The following PTCHD4 variants were observed in gnomAD, a reference collection of about 807,000 sequenced individuals.
PTCHD4 encodes patched domain-containing protein 4.
PTCHD4 carries 33 observed loss-of-function variants against 58.1 expected under a neutral mutation model. The observed-to-expected ratio is 0.57, with a 90% CI of 0.43 to 0.76. The LOEUF (loss-of-function observed/expected upper bound fraction) is 0.76, where lower values mean the gene tolerates loss of function less well. Among genes scored for constraint, PTCHD4 ranks in the 30% least tolerant of loss-of-function variants. The probability of loss-of-function intolerance (pLI) is 0.00; values close to 1 mark genes in which losing one functional copy is unlikely to be tolerated. For synonymous variants in PTCHD4, 478 were observed against 409.6 expected, an observed-to-expected ratio of 1.17 and a Z score of -2.02; for missense variants, 1,058 against 1,027.1, an observed-to-expected ratio of 1.03 and a Z score of -0.41.
At chr6:47,931,841 T>G (rs968396071) in intron 4 of PTCHD4, among the ~76,000 whole-genome samples, 1 of 151,894 alleles carries the variant, frequency 6.6e-6, no homozygotes, top group African/African-American at 2.4e-5. Flanking sequence ...GTGTGTCGTG[T>G]ATCCTCCCAA....
intron 3 of PTCHD4, among the ~76,000 whole-genome samples, chr6:48,064,528 A>G (rs1764733420): frequency 1.3e-5 from 2 of 152,168 alleles, no homozygotes; most frequent in African/African-American, 4.8e-5. Flanking sequence ...TACTGTATAC[A>G]ATAGTATGAT....
At chr6:47,987,818 C>G (rs1304967002) in intron 4 of PTCHD4, among the ~76,000 whole-genome samples, 2 of 151,506 alleles carry the variant, frequency 1.3e-5, no homozygotes, top group African/African-American at 2.4e-5. Context: ...GCTCTGTTGC[C>G]CAGGCTGGAG....
At chr6:48,105,503 A>G (rs1409373312) in intron 1 of PTCHD4, among the ~76,000 whole-genome samples, 1 of 152,224 alleles carries the variant, frequency 6.6e-6, no homozygotes, top group Non-Finnish European at 1.5e-5. Context: ...AGCAGGAAAG[A>G]TCTAAAATTG....
intron 1 of PTCHD4, among the ~76,000 whole-genome samples, chr6:48,090,837 A>T (rs1281848047): frequency 6.6e-6 from 1 of 152,194 alleles, no homozygotes; most frequent in East Asian, 1.9e-4. Context: ...GACAGATGTA[A>T]AGTCACAATA....
At chr6:48,011,519 G>T (rs1320307558) in intron 3 of PTCHD4, among the ~76,000 whole-genome samples, 3 of 152,028 alleles carry the variant, frequency 2.0e-5, no homozygotes, top group African/African-American at 4.8e-5. Context: ...CCATTCTGTG[G>T]GTTGCCTGTT....
At chr6:47,999,508 A>G (rs1204419616) in intron 4 of PTCHD4, among the ~76,000 whole-genome samples, 2 of 152,192 alleles carry the variant, frequency 1.3e-5, no homozygotes, top group East Asian at 3.8e-4. Flanking sequence ...GCAACATATT[A>G]GAGACATTTC....
intron 1 of PTCHD4, among the ~76,000 whole-genome samples, chr6:48,106,004 C>T (rs1765712004): frequency 6.6e-6 from 1 of 152,114 alleles, no homozygotes; most frequent in Non-Finnish European, 1.5e-5. Flanking sequence ...GGATTCACAG[C>T]CAAATTCTAC....
chr6:48,079,970 ATTTTTTTTTTTT>A (rs141629864), intron 1 of PTCHD4, among the ~76,000 whole-genome samples: 17 of 76,148 alleles, frequency 2.2e-4, no homozygotes, highest in African/African-American at 7.1e-4. Context: ...CCTTATGATG[ATTTTTTTTTTTT>A]TTTTTTTTTT....
chr6:48,052,544 G>A (rs918101281), intron 3 of PTCHD4, among the ~76,000 whole-genome samples: 1 of 151,990 alleles, frequency 6.6e-6, no homozygotes, highest in African/African-American at 2.4e-5. Flanking sequence ...AATTTTTGGA[G>A]ATACATTTTG....
intron 4 of PTCHD4, among the ~76,000 whole-genome samples, chr6:47,890,583 G>GA (rs1223278995): frequency 6.6e-6 from 1 of 152,190 alleles, no homozygotes; most frequent in Non-Finnish European, 1.5e-5. Context: ...ACATTGAATG[G>GA]AAAAGCACAG....
chr6:48,043,393 A>G (rs1046678892), intron 3 of PTCHD4, among the ~76,000 whole-genome samples: 15 of 151,822 alleles, frequency 9.9e-5, no homozygotes, highest in African/African-American at 3.6e-4. Context: ...CTCCCTATAA[A>G]ATACTTAATT....
chr6:47,952,249 A>G (rs1390605613), intron 4 of PTCHD4, among the ~76,000 whole-genome samples: 1 of 152,142 alleles, frequency 6.6e-6, no homozygotes, highest in Non-Finnish European at 1.5e-5. Flanking sequence ...TCCCCAAAGG[A>G]AGAATTAATT....
rs2113882419 is a variant in PTCHD4 at position 48,069,569 on chromosome 6, G to T, written c.-612C>A. Among the ~76,000 whole-genome samples, 1 of 152,336 alleles carries T rather than the reference G, an allele frequency of 6.6e-6. No homozygotes were observed. Among genetic ancestry groups the T allele is most frequent in the African/African-American group, 2.4e-5 (1 of 41,582 alleles). On this transcript the variant is annotated 5_prime_UTR_variant, in exon 2 of 5. Transcript: ENST00000339488. ...CAGTCCGCTGCAGCTGAGGGCTGCG[G>T]AGACTCCATCTATCCCTGGTGCGTT...
chr6:48,036,189 A>G (rs1208789240), intron 3 of PTCHD4, among the ~76,000 whole-genome samples: 1 of 152,084 alleles, frequency 6.6e-6, no homozygotes, highest in Non-Finnish European at 1.5e-5. Flanking sequence ...ATGTGTGTAT[A>G]AGCAGAGAGA....
chr6:48,053,442 T>C (rs1268398222), intron 3 of PTCHD4, among the ~76,000 whole-genome samples: 2 of 152,086 alleles, frequency 1.3e-5, no homozygotes, highest in African/African-American at 4.8e-5. Flanking sequence ...AAACAAACAA[T>C]GACCATCTCA....
intron 3 of PTCHD4, among the ~76,000 whole-genome samples, chr6:48,047,489 C>T (rs1166821066): frequency 6.6e-6 from 1 of 151,794 alleles, no homozygotes; most frequent in Non-Finnish European, 1.5e-5. Context: ...CATATCAAAA[C>T]ATAATGATTT....
chr6:48,067,838 T>G (rs1473430707), intron 3 of PTCHD4, among the ~76,000 whole-genome samples: 1 of 152,154 alleles, frequency 6.6e-6, no homozygotes, highest in Admixed American at 6.5e-5. Flanking sequence ...TTTTTTATTT[T>G]TGGTATTTGT....
intron 4 of PTCHD4, among the ~76,000 whole-genome samples, chr6:48,001,158 T>C (rs751211386): frequency 3.9e-5 from 6 of 152,094 alleles, no homozygotes; most frequent in Non-Finnish European, 8.8e-5. Context: ...GAAGAATCAA[T>C]ATCATGAAAA....
At chr6:47,961,315 C>A (rs527517916) in intron 4 of PTCHD4, among the ~76,000 whole-genome samples, 1 of 149,666 alleles carries the variant, frequency 6.7e-6, no homozygotes, top group Non-Finnish European at 1.5e-5. Flanking sequence ...TTTCTTGAGA[C>A]GGAGTCTTGC....
Sources: gnomAD v4.1 joint callset for allele counts (sites outside exome capture counted in the v4.1 genomes callset) on GRCh38, gnomAD v4.1.1 for gene constraint, MANE v1.5 for transcripts, NCBI Gene and HGNC (gene_info 2026-07-23, HGNC 2026-07-21) for gene names.